NSMF: variants seen among roughly 807,000 people sequenced by gnomAD.
The protein encoded by NSMF is nasal embryonic LHRH factor.
NSMF carries 31 observed loss-of-function variants against 71.0 expected under a neutral mutation model. The observed-to-expected ratio is 0.44, with a 90% confidence interval of 0.33 to 0.59. NSMF has a LOEUF of 0.59. NSMF is among the 20% of genes least tolerant of loss of function. NSMF has a pLI of 0.04. For missense variants in NSMF, 673 were observed against 740.5 expected (o/e 0.91, Z 1.06); for synonymous variants, 345 against 287.1 (o/e 1.20, Z -2.04).
chr9:137,456,705 T>C (rs1431519116), intron 3 of NSMF, among the ~76,000 whole-genome samples: 1 of 152,200 alleles, frequency 6.6e-6, no homozygotes, highest in Admixed American at 6.5e-5. Flanking sequence ...CTTGACGCTT[T>C]GATTTTTTTG....
Position 137,457,596 on chromosome 9 carries a change from G to C in NSMF, c.439C>G (p.Arg147Gly). 1.3e-6 allele frequency: 2 copies of C among 1,559,154 alleles called. No homozygotes were observed. The highest frequency in any genetic ancestry group is 1.7e-6 in the Non-Finnish European group (2 of 1,151,894). ...TGGCAGGGCCTGCTGACGTCCTCCC[G>C]GCTGCCACCAGGGCTGGCGCGCAGG... Reference protein sequence around the residue: ...QPLRASPGGSREDVSRPCQSW... With the variant: ...QPLRASPGGSGEDVSRPCQSW... The change falls in exon 3 of 16, where the codon CGG becomes GGG. Residue 147 changes from arginine to glycine, a missense_variant. By Grantham distance (125) the Arg-to-Gly change is moderately radical. Transcript: ENST00000371475.
Position 137,448,522 on chromosome 9 carries a change from C to CAGCCCCAGCTGGGCCCCTGCCA in NSMF, c.*850_*871dup, listed in dbSNP as rs1411424963. On this transcript the variant is annotated 3_prime_UTR_variant, in exon 16 of 16. Transcript: ENST00000371475. This position sits in a 1 kb window ranked among gnomAD's most constrained non-coding sequence, Gnocchi z 5.3. ...AGCGAGTTTCTCAAAACCCAGGGCC[C>CAGCCCCAGCTGGGCCCCTGCCA]AGCCCCAGCTGGGCCCCTGCCAAGC... 6.6e-6 allele frequency: 1 copy of CAGCCCCAGCTGGGCCCCTGCCA among 152,174 alleles called. No individual in the cohort carries two copies. The highest frequency in any genetic ancestry group is 1.5e-5 in the Non-Finnish European group (1 of 68,044). The allele number at this position is 152,174 out of a possible 1,614,324, so 9.4% of individuals were successfully genotyped here. A position where few individuals can be genotyped will look rare whatever the true frequency, so the allele number is the denominator to read the frequency against.
At chr9:137,449,825 G>C (rs1839825268) in intron 14 of NSMF, 98 bp downstream of exon 14, 1 of 1,343,708 alleles carries the variant, frequency 7.4e-7, no homozygotes, top group East Asian at 2.3e-5. Flanking sequence ...ATGCCCGGGG[G>C]AAGGAAAAAA....
At chr9:137,452,693 G>T (rs768663297) in intron 10 of NSMF, 43 bp downstream of exon 10, 6 of 1,598,260 alleles carry the variant, frequency 3.8e-6, no homozygotes, top group South Asian at 2.2e-5. Context: ...GGGTGGGGCC[G>T]CAAGAGGGCA....
intron 6 of NSMF, 34 bp from the exon 7 acceptor site, chr9:137,454,477 T>G (rs866337822): frequency 1.3e-6 from 2 of 1,549,840 alleles, no homozygotes; most frequent in Middle Eastern, 1.7e-4. Context: ...AAGAGGGCCG[T>G]GAGAGGGTGA....
rs28585539 is a variant in NSMF at position 137,455,422 on chromosome 9, C to G, written c.711-115G>C. ...AGGGCGTCTGGGGCACGGGGCCCGG[C>G]AGAGGAGTCCCAGCCTGCCTCACCT... On this transcript the variant is annotated intron_variant, in intron 5 of 15. Coordinates refer to ENST00000371475, the MANE Select transcript of NSMF (RefSeq NM_001130969.3). The G allele has an allele frequency of 0.26, 321,303 of 1,241,230 alleles. 46,048 individuals carry two copies. Among genetic ancestry groups the G allele is most frequent in the East Asian group, 0.65 (26,048 of 40,346 alleles). 76.9% of individuals were successfully genotyped at this position (1,241,230 alleles called of 1,614,324 possible).
chr9:137,458,592 C>T (rs757501285), intron 1 of NSMF, 43 bp from the exon 2 acceptor site: 2 of 1,544,514 alleles, frequency 1.3e-6, no homozygotes, highest in Admixed American at 1.9e-5. Flanking sequence ...ACGGCACGAC[C>T]CTCCCAAACA....
At chr9:137,456,548 CCTGT>C in intron 3 of NSMF, 62 bp from the exon 4 acceptor site, 1 of 1,184,378 alleles carries the variant, frequency 8.4e-7, no homozygotes, top group Non-Finnish European at 1.3e-6. Context: ...CCTCTCCCTC[CCTGT>C]TGGGAAGCAG....
intron 12 of NSMF, 140 bp downstream of exon 12, chr9:137,452,225 C>A: frequency 2.7e-6 from 2 of 740,270 alleles, no homozygotes; most frequent in South Asian, 3.1e-5. Context: ...CCTTGGTCTC[C>A]CCCACAAACA....
In NSMF at chr9:137,453,577, A is replaced by T. The variant is rs1830660167; in HGVS notation, c.922+154T>A. The T allele has an allele frequency of 1.5e-6, 1 of 649,656 alleles. No individual in the cohort carries two copies. The highest frequency in any genetic ancestry group is 1.8e-5 in the African/African-American group (1 of 54,598). The allele number at this position is 649,656 out of a possible 1,614,324, so 40.2% of individuals were successfully genotyped here. On this transcript the variant is annotated intron_variant, in intron 8 of 15. Transcript: ENST00000371475. This position sits in a 1 kb window ranked among gnomAD's most constrained non-coding sequence, Gnocchi z 4.5. ...TTGTTAGCCCCGCCTTTGCGATCGG[A>T]GATGCTGAGGGCGTCCCCATCTCAC...
chr9:137,448,445 C>T lies in NSMF; in HGVS notation c.*949G>A, dbSNP rs1839711532. 1.3e-5 allele frequency: 2 copies of T among 152,318 alleles called. No individual in the cohort carries two copies. The highest frequency in any genetic ancestry group is 6.5e-5 in the Admixed American group (1 of 15,288). 9.4% of individuals were successfully genotyped at this position (152,318 alleles called of 1,614,324 possible). A position where few individuals can be genotyped will look rare whatever the true frequency, so the allele number is the denominator to read the frequency against. On this transcript the variant is annotated 3_prime_UTR_variant, in exon 16 of 16. Coordinates refer to ENST00000371475, the MANE Select transcript of NSMF (RefSeq NM_001130969.3). This position sits in a 1 kb window ranked among gnomAD's most constrained non-coding sequence, Gnocchi z 5.3. Reference sequence around the variant, plus strand: ...GGGAGCTCCTGTGCCCAGTCAGGAGCCCCTACAGTCCACCAGCTGCGCGGC... The same window carrying T: ...GGGAGCTCCTGTGCCCAGTCAGGAGTCCCTACAGTCCACCAGCTGCGCGGC...
At position 137,455,522 on chromosome 9, in the gene NSMF, C is replaced by T. The variant is rs928107187; in HGVS notation, c.710+107G>A. 5 of 1,343,702 alleles carry T rather than the reference C, an allele frequency of 3.7e-6. No homozygotes were observed. The African/African-American group carries it at 7.3e-5, about 19-fold the overall frequency. 83.2% of individuals were successfully genotyped at this position (1,343,702 alleles called of 1,614,324 possible). A position where few individuals can be genotyped will look rare whatever the true frequency, so the allele number is the denominator to read the frequency against. On this transcript the variant is annotated intron_variant, in intron 5 of 15. Coordinates refer to ENST00000371475, the MANE Select transcript of NSMF (RefSeq NM_001130969.3). ...GGAGCCAGGCCCGCAGAGAGCGGCA[C>T]TCCCTCAAGACCCAGGTCCCTGGCC...
At chr9:137,449,731 G>C (rs1839816282) in intron 14 of NSMF, 57 bp from the exon 15 acceptor site, 1 of 1,497,148 alleles carries the variant, frequency 6.7e-7, no homozygotes, top group African/African-American at 1.4e-5. Flanking sequence ...GGAGGAGCGG[G>C]GAGGAGATGG....
intron 6 of NSMF, chr9:137,454,893 A>C: frequency 2.5e-6 from 1 of 392,220 alleles, no homozygotes; most frequent in Non-Finnish European, 3.5e-6. Context: ...CCTCAGGGGC[A>C]GGTCCTCTCC....
chr9:137,453,784 G>C lies in NSMF; in HGVS notation c.869C>G (p.Ser290Cys). ...AERRERSFSR[S>C]WSDPTPMKAD... ...TTTCATGGGGGTGGGGTCGCTCCAG[G>C]ACCGGCTGAAGCTCCGCTCGCGCCG... The change falls in exon 8 of 16, where the codon TCC (serine) becomes TGC (cysteine). Residue 290 changes from serine to cysteine, a missense_variant. Physicochemically the swap from Ser to Cys is moderately radical, Grantham distance 112. Coordinates refer to ENST00000371475, the MANE Select transcript of NSMF (RefSeq NM_001130969.3). The surrounding 1 kb of genome is among the most constrained non-coding windows in gnomAD (Gnocchi z 4.5). 1 of 1,600,264 alleles carries C rather than the reference G, an allele frequency of 6.2e-7. No individual in the cohort carries two copies. Among genetic ancestry groups the C allele is most frequent in the Non-Finnish European group, 8.5e-7 (1 of 1,178,450 alleles).
rs952802825 is a variant in NSMF at position 137,449,010 on chromosome 9, T to C, written c.*384A>G. ...GGTGCCTACACTGTAACTAGCAGCATAGTGCTTAACTAGTTAACAAGAAAT... is the reference window on the plus strand; with the variant it reads ...GGTGCCTACACTGTAACTAGCAGCACAGTGCTTAACTAGTTAACAAGAAAT... On this transcript the variant is annotated 3_prime_UTR_variant, in exon 16 of 16. Transcript: ENST00000371475. The C allele has an allele frequency of 2.8e-6, 1 of 360,906 alleles. No homozygotes were observed. The highest frequency in any genetic ancestry group is 2.3e-5 in the South Asian group (1 of 43,004). The allele number at this position is 360,906 out of a possible 1,614,324, so 22.4% of individuals were successfully genotyped here.
Position 137,453,300 on chromosome 9 carries a change from G to A in NSMF, c.923-120C>T, listed in dbSNP as rs1042683301. The A allele has an allele frequency of 1.9e-5, 28 of 1,447,094 alleles. No individual in the cohort carries two copies. In the African/African-American group the frequency reaches 3.5e-4, roughly 18 times the overall value. 89.6% of individuals were successfully genotyped at this position (1,447,094 alleles called of 1,614,324 possible). On this transcript the variant is annotated intron_variant, in intron 8 of 15. Coordinates refer to ENST00000371475, the MANE Select transcript of NSMF (RefSeq NM_001130969.3). This position sits in a 1 kb window ranked among gnomAD's most constrained non-coding sequence, Gnocchi z 4.5. The stretch of plus-strand genomic sequence containing the variant: ...CGGAGGGTCCTCCAAGCAAGTGGGA[G>A]GACCATACAGAGGTCGCCGCCAGCC...
intron 10 of NSMF, 73 bp downstream of exon 10, chr9:137,452,663 G>A (rs1213037008): frequency 1.9e-6 from 3 of 1,603,970 alleles, no homozygotes; most frequent in Non-Finnish European, 2.6e-6. Context: ...CTGGGGACCT[G>A]GGGTGCCGGC....
At chr9:137,458,621 G>A (rs537434383) in intron 1 of NSMF, 72 bp from the exon 2 acceptor site, 445 of 1,411,508 alleles carry the variant, frequency 3.2e-4, no homozygotes, top group Non-Finnish European at 4.1e-4. Flanking sequence ...CGCAAGAGCC[G>A]GGGGTCCGGT....
Sources: allele counts gnomAD v4.1 joint callset (sites outside exome capture counted in the v4.1 genomes callset), GRCh38; gene constraint gnomAD v4.1.1; non-coding constraint Gnocchi (gnomAD v3.1); transcripts MANE v1.5; gene names NCBI Gene and HGNC (gene_info 2026-07-23, HGNC 2026-07-21).